The following SLC16A9 variants were observed in gnomAD, a reference collection of about 807,000 sequenced individuals.
The protein encoded by SLC16A9 is solute carrier family 16 member 9, also known as monocarboxylate transporter 9.
SLC16A9 carries 26 observed loss-of-function variants against 44.3 expected under a neutral mutation model. The observed-to-expected ratio is 0.59, with a 90% CI of 0.43 to 0.81. SLC16A9 has a LOEUF of 0.81. Among genes scored for constraint, SLC16A9 ranks in the 40% least tolerant of loss-of-function variants. SLC16A9 has a pLI of 0.00. For synonymous variants in SLC16A9, 230 were observed against 225.1 expected, an observed-to-expected ratio of 1.02 and a Z score of -0.19; for missense variants, 559 against 595.8, an observed-to-expected ratio of 0.94 and a Z score of 0.64.
chr10:59,667,173 A>G (rs1479606431), intron 3 of SLC16A9, among the ~76,000 whole-genome samples: 1 of 152,250 alleles, frequency 6.6e-6, no homozygotes, highest in Non-Finnish European at 1.5e-5. Flanking sequence ...GTATACTGAT[A>G]TGGTATCAGG....
intron 1 of SLC16A9, among the ~76,000 whole-genome samples, chr10:59,708,089 T>C (rs1437476004): frequency 1.3e-5 from 2 of 152,206 alleles, no homozygotes; most frequent in Non-Finnish European, 2.9e-5. Flanking sequence ...TGTTGCAAAA[T>C]TGCAGGTTAA....
At chr10:59,709,085 G>C in intron 1 of SLC16A9, among the ~76,000 whole-genome samples, 1 of 152,176 alleles carries the variant, frequency 6.6e-6, no homozygotes, top group East Asian at 1.9e-4. Flanking sequence ...CTGGGAAATG[G>C]AGGCCCACCT....
intron 1 of SLC16A9, among the ~76,000 whole-genome samples, chr10:59,707,078 C>T (rs1220125583): frequency 6.6e-6 from 1 of 150,694 alleles, no homozygotes; most frequent in Non-Finnish European, 1.5e-5. Flanking sequence ...ATGGCGAAAC[C>T]CCATCTCTAC....
At chr10:59,673,439 A>T (rs892072602) in intron 2 of SLC16A9, among the ~76,000 whole-genome samples, 1 of 152,236 alleles carries the variant, frequency 6.6e-6, no homozygotes. Context: ...GACTGTACTC[A>T]GAAGTACAGA....
chr10:59,698,571 G>T (rs369434112), intron 1 of SLC16A9, among the ~76,000 whole-genome samples: 26 of 152,052 alleles, frequency 1.7e-4, no homozygotes, highest in Admixed American at 5.2e-4. Context: ...CCAAGCACAG[G>T]TTCAACCACC....
intron 2 of SLC16A9, among the ~76,000 whole-genome samples, chr10:59,680,542 G>C (rs1839963826): frequency 6.6e-6 from 1 of 152,170 alleles, no homozygotes; most frequent in African/African-American, 2.4e-5. Context: ...CACACAAGAA[G>C]AAATCTACAA....
intron 4 of SLC16A9, among the ~76,000 whole-genome samples, chr10:59,654,821 G>A (rs1284505660): frequency 3.9e-5 from 6 of 152,128 alleles, no homozygotes; most frequent in Non-Finnish European, 8.8e-5. Flanking sequence ...TACATTGCAC[G>A]ATCATGTTTA....
At chr10:59,707,549 T>C (rs933895138) in intron 1 of SLC16A9, among the ~76,000 whole-genome samples, 5 of 146,254 alleles carry the variant, frequency 3.4e-5, no homozygotes, top group African/African-American at 1.3e-4. Flanking sequence ...TTTTGAAAAT[T>C]GTTAAGATGG....
chr10:59,706,287 C>T (rs1055467256), intron 1 of SLC16A9, among the ~76,000 whole-genome samples: 8 of 152,078 alleles, frequency 5.3e-5, no homozygotes, highest in Non-Finnish European at 1.2e-4. Flanking sequence ...TGTTATAGTT[C>T]AGTCTCATCA....
intron 4 of SLC16A9, among the ~76,000 whole-genome samples, chr10:59,656,929 G>A (rs7098081): frequency 0.051 from 7,829 of 152,192 alleles, 241 homozygotes; most frequent in African/African-American, 0.079. Context: ...ATTAAATGGC[G>A]TTCAGGGAAC....
At chr10:59,662,633 C>CAAAAAAAAAAAAAAAAAAAA (rs71006278) in intron 4 of SLC16A9, among the ~76,000 whole-genome samples, 91 of 43,586 alleles carry the variant, frequency 2.1e-3, no homozygotes, top group Non-Finnish European at 2.9e-3. Context: ...AACTCCATCT[C>CAAAAAAAAAAAAAAAAAAAA]AAAAAAAAAA....
At chr10:59,701,883 T>C (rs1840531473) in intron 1 of SLC16A9, among the ~76,000 whole-genome samples, 1 of 152,238 alleles carries the variant, frequency 6.6e-6, no homozygotes, top group African/African-American at 2.4e-5. Flanking sequence ...CTCATCTTGA[T>C]GCCATCTGTG....
At chr10:59,694,473 T>C (rs1564711395) in intron 1 of SLC16A9, among the ~76,000 whole-genome samples, 1 of 152,074 alleles carries the variant, frequency 6.6e-6, no homozygotes, top group South Asian at 2.1e-4. Context: ...ATAGTCTATA[T>C]ATTAAGATAG....
chr10:59,680,140 G>C (rs184086896), intron 2 of SLC16A9, among the ~76,000 whole-genome samples: 34 of 152,224 alleles, frequency 2.2e-4, no homozygotes, highest in Admixed American at 2.0e-3. Context: ...AGGAGGGTAG[G>C]ATCCTTCCTA....
intron 2 of SLC16A9, among the ~76,000 whole-genome samples, chr10:59,677,161 A>G (rs1839878631): frequency 6.6e-6 from 1 of 151,676 alleles, no homozygotes; most frequent in Non-Finnish European, 1.5e-5. Context: ...CTGCCTGCAT[A>G]TTAGTGTTCA....
Position 59,672,797 on chromosome 10 carries a change from G to T in SLC16A9, c.313C>A (p.Leu105Met), listed in dbSNP as rs1335627619. 1.2e-6 allele frequency: 2 copies of T among 1,613,358 alleles called. No homozygotes were observed. ...ACAACAATGCCATAGGAAAAAAACA[G>T]AAAGTAGATATTGGGAGCAAAACTG... Reference protein sequence around the residue: ...LSSFAPNIYFLFFSYGIVVGL... With the variant: ...LSSFAPNIYFMFFSYGIVVGL... Residue 105 changes from leucine (L) to methionine (M), a missense_variant, in exon 3 of 6, where the codon CTG becomes ATG. Coordinates refer to ENST00000395348, the MANE Select transcript of SLC16A9 (RefSeq NM_194298.3).
At chr10:59,660,460 G>A (rs965275708) in intron 4 of SLC16A9, among the ~76,000 whole-genome samples, 20 of 152,196 alleles carry the variant, frequency 1.3e-4, no homozygotes, top group Non-Finnish European at 1.9e-4. Flanking sequence ...GGAAGAAGTC[G>A]AATTTCTGAA....
intron 1 of SLC16A9, among the ~76,000 whole-genome samples, chr10:59,686,537 A>C (rs1247200008): frequency 2.6e-5 from 4 of 152,040 alleles, no homozygotes; most frequent in African/African-American, 9.7e-5. Context: ...ATTTTTATAG[A>C]TTTTATCCTC....
At chr10:59,706,447 T>G (rs1296897014) in intron 1 of SLC16A9, among the ~76,000 whole-genome samples, 1 of 152,082 alleles carries the variant, frequency 6.6e-6, no homozygotes, top group East Asian at 1.9e-4. Flanking sequence ...AATACAGTGG[T>G]TCCTCAGAAA....
Sources: allele counts gnomAD v4.1 joint callset (sites outside exome capture counted in the v4.1 genomes callset), GRCh38; gene constraint gnomAD v4.1.1; transcripts MANE v1.5; gene names NCBI Gene and HGNC (gene_info 2026-07-23, HGNC 2026-07-21).